BET1: variants seen among roughly 807,000 people sequenced by gnomAD.
BET1 encodes Bet1 golgi vesicular membrane trafficking protein, also known as BET1 homolog.
In BET1, 9 loss-of-function variants were observed where a neutral mutation model predicts 13.9. The ratio of observed to expected loss-of-function variants is 0.65; its 90% CI spans 0.39 to 1.13. BET1 has a LOEUF of 1.13. BET1 is among the 50% of genes most tolerant of loss of function. The pLI is 0.01. For missense variants in BET1, 127 were observed against 133.6 expected, an observed-to-expected ratio of 0.95 and a Z score of 0.24; for synonymous variants, 39 against 47.3, an observed-to-expected ratio of 0.82 and a Z score of 0.72.
chr7:93,996,589 C>G (rs1053376280), intron 2 of BET1, among the ~76,000 whole-genome samples: 9 of 151,602 alleles, frequency 5.9e-5, no homozygotes, highest in African/African-American at 2.2e-4. Flanking sequence ...TTGGTATGTA[C>G]TACTTCTCTC....
downstream of BET1, among the ~76,000 whole-genome samples, chr7:93,991,064 C>A (rs1795623789): frequency 6.6e-6 from 1 of 151,988 alleles, no homozygotes; most frequent in Admixed American, 6.6e-5. Flanking sequence ...ATGAAATGTA[C>A]AGAAGGATCC....
intron 6 of BET1, among the ~76,000 whole-genome samples, chr7:93,966,792 G>A (rs1795180767): frequency 6.6e-6 from 1 of 151,708 alleles, no homozygotes; most frequent in South Asian, 2.1e-4. Flanking sequence ...AAGAATCTTT[G>A]GTAGCATCCT....
chr7:93,988,953 A>G (rs917936703), downstream of BET1, among the ~76,000 whole-genome samples: 1 of 135,966 alleles, frequency 7.4e-6, no homozygotes, highest in Non-Finnish European at 1.5e-5. Flanking sequence ...ACATATAAAT[A>G]TATATATATA....
At chr7:94,000,007 G>A (rs550310808) in intron 1 of BET1, among the ~76,000 whole-genome samples, 1 of 152,122 alleles carries the variant, frequency 6.6e-6, no homozygotes, top group African/African-American at 2.4e-5. Flanking sequence ...TAGTCATCAG[G>A]CTATCAAACA....
intron 1 of BET1, among the ~76,000 whole-genome samples, chr7:94,003,845 T>A (rs546911662): frequency 1.7e-4 from 26 of 152,028 alleles, no homozygotes; most frequent in African/African-American, 5.6e-4. Flanking sequence ...CCAGGGCCAG[T>A]AGGGAAACAG....
intron 4 of BET1, among the ~76,000 whole-genome samples, chr7:93,979,392 A>T (rs1299993111): frequency 6.6e-6 from 1 of 152,174 alleles, no homozygotes; most frequent in Non-Finnish European, 1.5e-5. Context: ...TCCTGAAAGC[A>T]GTGACATTTT....
intron 4 of BET1, among the ~76,000 whole-genome samples, chr7:93,980,982 A>G (rs2116065536): frequency 6.6e-6 from 1 of 152,260 alleles, no homozygotes; most frequent in South Asian, 2.1e-4. Context: ...GTATCTTAGT[A>G]TCACTTTTAG....
At chr7:93,989,396 A>T (rs191965421), downstream of BET1, among the ~76,000 whole-genome samples, 262 of 150,798 alleles carry the variant, frequency 1.7e-3, 3 homozygotes, top group Admixed American at 0.014. Flanking sequence ...TTTCTTTTTT[A>T]AAAAAAAATA....
intron 2 of BET1, among the ~76,000 whole-genome samples, chr7:93,998,335 C>T (rs1795816633): frequency 6.6e-6 from 1 of 152,092 alleles, no homozygotes; most frequent in African/African-American, 2.4e-5. Context: ...GATTATATAG[C>T]TCAGATCATA....
At chr7:93,991,712 G>A, downstream of BET1, 1 of 832,964 alleles carries the variant, frequency 1.2e-6, no homozygotes, top group East Asian at 1.2e-4. Flanking sequence ...GGTGGAGCCA[G>A]GATTTATGCT....
At chr7:93,966,077 A>C (rs1175489643) in intron 6 of BET1, among the ~76,000 whole-genome samples, 1 of 151,964 alleles carries the variant, frequency 6.6e-6, no homozygotes, top group African/African-American at 2.4e-5. Flanking sequence ...GGGGAATATT[A>C]ATGGTGGTCA....
intron 1 of BET1, among the ~76,000 whole-genome samples, chr7:94,002,215 A>G (rs1312067855): frequency 2.0e-5 from 3 of 152,240 alleles, no homozygotes; most frequent in Non-Finnish European, 2.9e-5. Context: ...AGGTTCTATC[A>G]GTAAGCTAAC....
intron 4 of BET1, among the ~76,000 whole-genome samples, chr7:93,978,520 C>T (rs976212938): frequency 7.2e-5 from 11 of 152,180 alleles, no homozygotes; most frequent in African/African-American, 2.7e-4. Context: ...CATTATCATA[C>T]ATTGTTAGAG....
At chr7:93,976,909 T>C (rs1173812351) in intron 4 of BET1, among the ~76,000 whole-genome samples, 1 of 152,130 alleles carries the variant, frequency 6.6e-6, no homozygotes, top group Admixed American at 6.6e-5. Flanking sequence ...TTCTCACTTA[T>C]AAGTGAGAAG....
In BET1 at chr7:94,004,242, C is replaced by T. The variant is rs750836557; in HGVS notation, c.-26G>A. ...CCTGCCAGAGGAGAGAGAGAAAAGG[C>T]GGGTGCGGGGCTTTGGGTGAGTAGG... is the stretch of plus-strand genomic sequence containing the variant. On this transcript the variant is annotated 5_prime_UTR_variant, in exon 1 of 4. Coordinates refer to ENST00000222547, the MANE Select transcript of BET1 (RefSeq NM_005868.6). 7 of 1,613,902 alleles carry T rather than the reference C, an allele frequency of 4.3e-6. No homozygotes were observed. In the African/African-American group the frequency reaches 5.3e-5, roughly 12 times the overall value.
At chr7:93,977,169 A>T (rs1795352160) in intron 4 of BET1, among the ~76,000 whole-genome samples, 2 of 152,070 alleles carry the variant, frequency 1.3e-5, no homozygotes, top group Non-Finnish European at 1.5e-5. Context: ...AGCATCAAAG[A>T]TGTTGGAGGG....
intron 5 of BET1, among the ~76,000 whole-genome samples, chr7:93,973,418 T>A (rs1795289626): frequency 6.6e-6 from 1 of 151,968 alleles, no homozygotes; most frequent in Admixed American, 6.6e-5. Flanking sequence ...GGTTTTGGGA[T>A]CCTCAGTTCC....
intron 4 of BET1, among the ~76,000 whole-genome samples, chr7:93,977,823 T>G (rs1036606682): frequency 6.6e-6 from 1 of 152,130 alleles, no homozygotes; most frequent in Non-Finnish European, 1.5e-5. Flanking sequence ...ATCTGACACT[T>G]TCTTTAATGA....
chr7:93,980,293 T>C (rs952409130), intron 4 of BET1, among the ~76,000 whole-genome samples: 1 of 152,172 alleles, frequency 6.6e-6, no homozygotes, highest in African/African-American at 2.4e-5. Context: ...AGCATTATCC[T>C]GACACCAAAG....
Sources: allele counts gnomAD v4.1 joint callset (sites outside exome capture counted in the v4.1 genomes callset), GRCh38; gene constraint gnomAD v4.1.1; transcripts MANE v1.5; gene names NCBI Gene and HGNC (gene_info 2026-07-23, HGNC 2026-07-21).